The following ENPP1 variants were observed in gnomAD, a reference collection of about 807,000 sequenced individuals.
The protein encoded by ENPP1 is ectonucleotide pyrophosphatase/phosphodiesterase 1, also known as ectonucleotide pyrophosphatase/phosphodiesterase family member 1.
A neutral mutation model predicts 122.8 loss-of-function variants in ENPP1; 73 were observed. That is an observed-to-expected ratio of 0.59 (90% CI 0.49 to 0.72). ENPP1 has a LOEUF of 0.72. ENPP1 is among the 30% of genes least tolerant of loss of function. The probability of loss-of-function intolerance (pLI) is 0.00; values close to 1 mark genes in which losing one functional copy is unlikely to be tolerated. For missense variants in ENPP1, 978 were observed against 1,128.1 expected, an observed-to-expected ratio of 0.87 and a Z score of 1.91; for synonymous variants, 367 against 391.6, an observed-to-expected ratio of 0.94 and a Z score of 0.74.
intron 1 of ENPP1, chr6:131,828,106 G>A (rs1781567707): frequency 4.9e-6 from 3 of 608,206 alleles, no homozygotes; most frequent in Non-Finnish European, 9.6e-6. Context: ...CAGCGTTGAT[G>A]TAGGAGTCCT....
At chr6:131,852,881 C>T (rs1446684890) in intron 5 of ENPP1, among the ~76,000 whole-genome samples, 1 of 150,432 alleles carries the variant, frequency 6.6e-6, no homozygotes, top group African/African-American at 2.5e-5. Context: ...TAAAATAATT[C>T]ATATTTGGTT....
At chr6:131,822,582 T>A (rs1301862642) in intron 1 of ENPP1, among the ~76,000 whole-genome samples, 17 of 149,766 alleles carry the variant, frequency 1.1e-4, no homozygotes, top group South Asian at 6.3e-4. Flanking sequence ...ATATCACTTT[T>A]AAAAAAAAAA....
intron 6 of ENPP1, among the ~76,000 whole-genome samples, chr6:131,856,632 T>C (rs1287517590): frequency 7.0e-6 from 1 of 143,690 alleles, no homozygotes; most frequent in Non-Finnish European, 1.5e-5. Context: ...GGTCTAACGT[T>C]TAAATCTTTA....
intron 20 of ENPP1, among the ~76,000 whole-genome samples, chr6:131,882,082 C>A (rs1268271440): frequency 6.6e-6 from 1 of 150,496 alleles, no homozygotes; most frequent in Non-Finnish European, 1.5e-5. Flanking sequence ...TAGATAAAAT[C>A]ATTCTAAACA....
chr6:131,827,880 C>T lies in ENPP1; in HGVS notation c.240+19605C>T. The T allele has an allele frequency of 7.8e-6, 11 of 1,407,310 alleles. No individual in the cohort carries two copies. In the South Asian group the frequency reaches 1.3e-4, roughly 16 times the overall value. 87.2% of individuals were successfully genotyped at this position (1,407,310 alleles called of 1,614,324 possible). ...TCTTGGACTCGGAGAGTTTCAGAGG[C>T]CTCACTGACTGCTCGGCCACTGTTT... On this transcript the variant is annotated intron_variant, in intron 1 of 24. Coordinates refer to ENST00000647893, the MANE Select transcript of ENPP1 (RefSeq NM_006208.3).
chr6:131,882,364 A>G lies in ENPP1; in HGVS notation c.2120A>G (p.Asp707Gly). The G allele has an allele frequency of 6.2e-7, 1 of 1,604,014 alleles. No individual in the cohort carries two copies. Among genetic ancestry groups the G allele is most frequent in the Non-Finnish European group, 8.5e-7 (1 of 1,173,552 alleles). The change falls in exon 21 of 25, where the codon GAC becomes GGC. Residue 707 changes from aspartate (D) to glycine (G), a missense_variant. Physicochemically the swap from Asp to Gly is moderately conservative, Grantham distance 94 (BLOSUM62 -1). This residue lies in a region of ENPP1 where 644 missense variants were observed against 781.5 expected (regional missense o/e 0.82). Coordinates refer to ENST00000647893, the MANE Select transcript of ENPP1 (RefSeq NM_006208.3). ...CTTCAGGACAGTTTCTCTACGGAAG[A>G]CTTCTCCAACTGTCTGTACCAGGAC... ...VDRNDSFSTEDFSNCLYQDFR... is the reference protein window; with the variant it reads ...VDRNDSFSTEGFSNCLYQDFR...
At chr6:131,853,421 C>A (rs934772441) in intron 5 of ENPP1, among the ~76,000 whole-genome samples, 1 of 151,904 alleles carries the variant, frequency 6.6e-6, no homozygotes, top group South Asian at 2.1e-4. Context: ...AAAACATAAC[C>A]CTTTCTTTAC....
At chr6:131,843,324 T>C (rs1373541460) in intron 1 of ENPP1, among the ~76,000 whole-genome samples, 1 of 152,226 alleles carries the variant, frequency 6.6e-6, no homozygotes, top group Admixed American at 6.5e-5. Flanking sequence ...TTGTTTCAGT[T>C]CTATGCTATG....
At chr6:131,817,577 G>A (rs1781429542) in intron 1 of ENPP1, among the ~76,000 whole-genome samples, 1 of 152,060 alleles carries the variant, frequency 6.6e-6, no homozygotes, top group African/African-American at 2.4e-5. Context: ...AAAATAGAGA[G>A]TTTTGATAGA....
chr6:131,844,118 AGTTTTTTTGTTCATTT>A (rs1156511741), intron 1 of ENPP1, among the ~76,000 whole-genome samples: 1 of 152,082 alleles, frequency 6.6e-6, no homozygotes, highest in Non-Finnish European at 1.5e-5. Flanking sequence ...GGTTGTTCCT[AGTTTTTTTGTTCATTT>A]GTTTTATGAA....
At chr6:131,873,167 C>A in intron 15 of ENPP1, 117 bp downstream of exon 15, 1 of 1,173,622 alleles carries the variant, frequency 8.5e-7, no homozygotes, top group African/African-American at 1.5e-5. Flanking sequence ...TGATTCTCTT[C>A]ACTCTAACCC....
chr6:131,827,681 T>G (rs1781562110), intron 1 of ENPP1: 2 of 651,650 alleles, frequency 3.1e-6, no homozygotes, highest in Non-Finnish European at 5.7e-6. Flanking sequence ...TCTACGTGCA[T>G]GCGGAATCTT....
intron 14 of ENPP1, 119 bp downstream of exon 14, chr6:131,872,220 C>G: frequency 1.3e-6 from 1 of 746,498 alleles, no homozygotes; most frequent in Non-Finnish European, 2.3e-6. Flanking sequence ...GTAATCTGGG[C>G]CAACATGGAA....
intron 5 of ENPP1, among the ~76,000 whole-genome samples, chr6:131,852,889 G>A (rs537663792): frequency 6.6e-6 from 1 of 151,512 alleles, no homozygotes; most frequent in African/African-American, 2.4e-5. Context: ...TTCATATTTG[G>A]TTTTTTTGTC....
intron 23 of ENPP1, 29 bp downstream of exon 23, chr6:131,885,092 A>G: frequency 6.2e-7 from 1 of 1,610,030 alleles, no homozygotes; most frequent in Middle Eastern, 1.7e-4. Flanking sequence ...ACTCTTAAAA[A>G]TAGGAATTAC....
At chr6:131,814,417 C>T (rs1781391552) in intron 1 of ENPP1, among the ~76,000 whole-genome samples, 1 of 151,942 alleles carries the variant, frequency 6.6e-6, no homozygotes, top group Non-Finnish European at 1.5e-5. Flanking sequence ...AAAAAAAAAC[C>T]AAGGCAAAAT....
intron 1 of ENPP1, chr6:131,826,171 G>A (rs1288702303): frequency 1.4e-5 from 12 of 883,308 alleles, no homozygotes; most frequent in African/African-American, 1.3e-4. Context: ...CACATGAGGG[G>A]ACAAATTCAT....
At position 131,808,257 on chromosome 6, in the gene ENPP1, C is replaced by G; in HGVS notation, c.222C>G (p.Thr74=). Residue 74 remains threonine (T), a synonymous_variant, in exon 1 of 25, where the codon ACC becomes ACG. Transcript: ENST00000647893. ...CCCGCACTGCCAAGGACCCCAACACCTATAAAGTACTCTCGCTGGTAGGTC... is the reference window on the plus strand; with the variant it reads ...CCCGCACTGCCAAGGACCCCAACACGTATAAAGTACTCTCGCTGGTAGGTC... ...ARARTAKDPN[T]YKVLSLVLSV... 2.0e-6 allele frequency: 3 copies of G among 1,515,156 alleles called. No homozygotes were observed. The highest frequency in any genetic ancestry group is 5.3e-5 in the East Asian group (2 of 37,512). 93.9% of individuals were successfully genotyped at this position (1,515,156 alleles called of 1,614,324 possible).
In ENPP1 at chr6:131,891,042, C is replaced by T. The variant is rs1271050057; in HGVS notation, c.*531C>T. 1 of 154,030 alleles carries T rather than the reference C, an allele frequency of 6.5e-6. No individual in the cohort carries two copies. The highest frequency in any genetic ancestry group is 1.4e-5 in the Non-Finnish European group (1 of 69,540). The allele number at this position is 154,030 out of a possible 1,614,324, so 9.5% of individuals were successfully genotyped here. ...CCAAAATACTTCTGAGACCTTGTTT[C>T]AATCTTTGCTGTATATCCCCTCAAA... On this transcript the variant is annotated 3_prime_UTR_variant, in exon 25 of 25. Transcript: ENST00000647893.
Sources: allele counts gnomAD v4.1 joint callset (sites outside exome capture counted in the v4.1 genomes callset), GRCh38; gene constraint gnomAD v4.1.1; regional missense constraint gnomAD v4.1.1; transcripts MANE v1.5; gene names NCBI Gene and HGNC (gene_info 2026-07-23, HGNC 2026-07-21).